The following RNGTT variants were observed in gnomAD, a reference collection of about 807,000 sequenced individuals.
RNGTT encodes RNA guanylyltransferase and 5'-phosphatase, also known as mRNA-capping enzyme.
In RNGTT, 33 loss-of-function variants were observed where a neutral mutation model predicts 79.3. That is an observed-to-expected ratio of 0.42 (90% confidence interval 0.32 to 0.56). The LOEUF (loss-of-function observed/expected upper bound fraction) is 0.56, where lower values mean the gene tolerates loss of function less well. Ranked by LOEUF, RNGTT falls within the 20% of genes least tolerant of loss-of-function variation. RNGTT has a pLI of 0.17. For synonymous variants in RNGTT, 222 were observed against 235.9 expected (o/e 0.94, Z 0.54); for missense variants, 497 against 739.1 (o/e 0.67, Z 3.80).
chr6:88,801,007 G>A (rs545312167), intron 12 of RNGTT, among the ~76,000 whole-genome samples: 1 of 152,286 alleles, frequency 6.6e-6, no homozygotes, highest in South Asian at 2.1e-4. Context: ...GAGAAAACCT[G>A]CTATAGAGTA....
At chr6:88,665,564 C>T (rs1774371257) in intron 14 of RNGTT, among the ~76,000 whole-genome samples, 1 of 152,200 alleles carries the variant, frequency 6.6e-6, no homozygotes, top group South Asian at 2.1e-4. Context: ...CAGCTAAGGA[C>T]AGCTGGTTCA....
chr6:88,834,263 G>C (rs1780986688), intron 11 of RNGTT, among the ~76,000 whole-genome samples: 1 of 152,088 alleles, frequency 6.6e-6, no homozygotes, highest in Non-Finnish European at 1.5e-5. Flanking sequence ...GAAGTTATCT[G>C]GGACAATAAA....
intron 13 of RNGTT, among the ~76,000 whole-genome samples, chr6:88,761,230 C>T (rs1039162563): frequency 6.6e-6 from 1 of 152,204 alleles, no homozygotes; most frequent in Admixed American, 6.5e-5. Context: ...TGGCTCACAC[C>T]TGTAATCCCA....
chr6:88,640,500 T>C (rs543903019), intron 14 of RNGTT, among the ~76,000 whole-genome samples: 1 of 140,798 alleles, frequency 7.1e-6, no homozygotes, highest in African/African-American at 2.7e-5. Context: ...TGAACTATGA[T>C]CACACCACTG....
chr6:88,623,203 T>TA (rs1279172984), intron 14 of RNGTT, among the ~76,000 whole-genome samples: 1 of 151,652 alleles, frequency 6.6e-6, no homozygotes, highest in Non-Finnish European at 1.5e-5. Context: ...AGGCCTGAGG[T>TA]AAAAAAGATC....
intron 11 of RNGTT, among the ~76,000 whole-genome samples, chr6:88,819,301 T>C (rs960457169): frequency 2.0e-5 from 3 of 151,966 alleles, no homozygotes; most frequent in African/African-American, 7.2e-5. Context: ...CAAGTAGAAA[T>C]AGTCTGTTAC....
intron 4 of RNGTT, among the ~76,000 whole-genome samples, chr6:88,915,408 C>T (rs539478524): frequency 1.3e-5 from 2 of 152,248 alleles, no homozygotes; most frequent in East Asian, 3.9e-4. Flanking sequence ...AAATGCAGTA[C>T]ATATATACCA....
intron 8 of RNGTT, among the ~76,000 whole-genome samples, chr6:88,877,867 G>C (rs1276251878): frequency 6.6e-6 from 1 of 152,062 alleles, no homozygotes; most frequent in Non-Finnish European, 1.5e-5. Context: ...CAAGGAAACT[G>C]GCCTGGATCC....
intron 1 of RNGTT, among the ~76,000 whole-genome samples, chr6:88,949,872 C>T (rs532752267): frequency 1.3e-5 from 2 of 152,316 alleles, no homozygotes; most frequent in African/African-American, 4.8e-5. Context: ...CATGGCTCCA[C>T]TAAACAGCAG....
At chr6:88,884,755 G>C (rs1416325627) in intron 8 of RNGTT, among the ~76,000 whole-genome samples, 1 of 152,140 alleles carries the variant, frequency 6.6e-6, no homozygotes, top group African/African-American at 2.4e-5. Context: ...GGCAGGAAGA[G>C]AGAAAATAAT....
At chr6:88,715,172 T>G (rs1347073192) in intron 13 of RNGTT, among the ~76,000 whole-genome samples, 1 of 151,970 alleles carries the variant, frequency 6.6e-6, no homozygotes, top group Non-Finnish European at 1.5e-5. Context: ...ACACCAATAA[T>G]AGACAAACAG....
intron 13 of RNGTT, among the ~76,000 whole-genome samples, chr6:88,728,673 G>A (rs1208966034): frequency 6.6e-6 from 1 of 152,124 alleles, no homozygotes; most frequent in Non-Finnish European, 1.5e-5. Context: ...TGGGGGCTGA[G>A]GTTTCAGGGA....
At chr6:88,766,960 C>G (rs116610608) in intron 13 of RNGTT, among the ~76,000 whole-genome samples, 111 of 152,206 alleles carry the variant, frequency 7.3e-4, no homozygotes, top group African/African-American at 2.5e-3. Context: ...ATATTTCTTA[C>G]AGTGTTCTCT....
At chr6:88,621,684 C>A (rs9451032) in intron 14 of RNGTT, among the ~76,000 whole-genome samples, 2 of 151,666 alleles carry the variant, frequency 1.3e-5, no homozygotes, top group East Asian at 3.9e-4. Context: ...AAAAAGTATG[C>A]GAGGCCATTA....
intron 1 of RNGTT, among the ~76,000 whole-genome samples, chr6:88,952,029 G>A (rs957210159): frequency 1.1e-4 from 16 of 152,072 alleles, no homozygotes; most frequent in African/African-American, 2.9e-4. Context: ...AGCCATGCTC[G>A]CTTTCTCAGT....
At chr6:88,771,315 G>GTATA (rs539282627) in intron 12 of RNGTT, among the ~76,000 whole-genome samples, 3,512 of 61,560 alleles carry the variant, frequency 0.057, 107 homozygotes, top group Middle Eastern at 0.12. Flanking sequence ...GTGTGTGTGT[G>GTATA]TATATATATA....
chr6:88,880,550 T>A (rs1173143150), intron 8 of RNGTT, among the ~76,000 whole-genome samples: 1 of 152,130 alleles, frequency 6.6e-6, no homozygotes, highest in Non-Finnish European at 1.5e-5. Context: ...ATGTAAAAAT[T>A]GCAACCATAG....
At chr6:88,921,823 A>T (rs1336732406) in intron 4 of RNGTT, among the ~76,000 whole-genome samples, 2 of 152,168 alleles carry the variant, frequency 1.3e-5, no homozygotes, top group African/African-American at 4.8e-5. Context: ...ATACAAATTT[A>T]AAAATACAAT....
chr6:88,650,583 G>T (rs796273436), intron 14 of RNGTT, among the ~76,000 whole-genome samples: 1 of 151,820 alleles, frequency 6.6e-6, no homozygotes, highest in Non-Finnish European at 1.5e-5. Context: ...TGAATCTAGC[G>T]TGATGGCAAA....
Sources: allele counts gnomAD v4.1 joint callset (sites outside exome capture counted in the v4.1 genomes callset), GRCh38; gene constraint gnomAD v4.1.1; transcripts MANE v1.5; gene names NCBI Gene and HGNC (gene_info 2026-07-23, HGNC 2026-07-21).